ROBO2: variants seen among roughly 807,000 people sequenced by gnomAD.
ROBO2 encodes the protein roundabout homolog 2.
ROBO2 carries 53 observed loss-of-function variants against 160.8 expected under a neutral mutation model. The observed-to-expected ratio is 0.33, with a 90% CI of 0.26 to 0.41. The LOEUF is 0.41. Among genes scored for constraint, ROBO2 ranks in the 10% least tolerant of loss-of-function variants. The probability of loss-of-function intolerance (pLI) is 1.00; values close to 1 mark genes in which losing one functional copy is unlikely to be tolerated. For missense variants in ROBO2, 1,577 were observed against 1,722.4 expected (o/e 0.92, Z 1.49); for synonymous variants, 664 against 611.7 (o/e 1.09, Z -1.26).
chr3:76,084,677 C>A (rs2068949065), intron 2 of ROBO2, among the ~76,000 whole-genome samples: 1 of 152,106 alleles, frequency 6.6e-6, no homozygotes, highest in Admixed American at 6.6e-5. Context: ...TGCCCTGTCT[C>A]CATCTTCTCA....
At chr3:77,471,649 A>C (rs2083359624) in intron 2 of ROBO2, among the ~76,000 whole-genome samples, 1 of 152,234 alleles carries the variant, frequency 6.6e-6, no homozygotes. Flanking sequence ...CACTGACAAT[A>C]GACATATTAA....
intron 2 of ROBO2, among the ~76,000 whole-genome samples, chr3:77,269,456 C>T (rs985932757): frequency 2.1e-4 from 32 of 152,094 alleles, no homozygotes; most frequent in Non-Finnish European, 4.3e-4. Context: ...ATGGGCTTTT[C>T]TTTTGGATTT....
At chr3:77,137,141 T>G (rs1169947642) in intron 2 of ROBO2, among the ~76,000 whole-genome samples, 1 of 152,170 alleles carries the variant, frequency 6.6e-6, no homozygotes, top group Non-Finnish European at 1.5e-5. Context: ...CGACTCTTAT[T>G]GCAGAGTCTA....
At chr3:77,120,140 C>T (rs755436555) in intron 2 of ROBO2, among the ~76,000 whole-genome samples, 5 of 152,034 alleles carry the variant, frequency 3.3e-5, no homozygotes, top group African/African-American at 4.8e-5. Flanking sequence ...TCATGATGAC[C>T]GATAATGATT....
At chr3:77,452,407 A>T (rs941401555) in intron 2 of ROBO2, among the ~76,000 whole-genome samples, 1 of 152,168 alleles carries the variant, frequency 6.6e-6, no homozygotes, top group Non-Finnish European at 1.5e-5. Context: ...TATAGTTAAA[A>T]TCAGATAAAC....
rs143526385 is a variant in ROBO2 at position 76,997,681 on chromosome 3, C to T, written c.110-100333C>T. Among the ~76,000 whole-genome samples the T allele has an allele frequency of 6.2e-3, 937 of 152,284 alleles. 16 individuals are homozygous for T. The highest frequency in any genetic ancestry group is 0.021 in the African/African-American group (863 of 41,556). Reference sequence around the variant, plus strand: ...GAGAGAGAAGATCGTATAAGTTGAGCTTCTGATGTCTCAGTTTTACATAAT... The same window carrying T: ...GAGAGAGAAGATCGTATAAGTTGAGTTTCTGATGTCTCAGTTTTACATAAT... On this transcript the variant is annotated intron_variant, in intron 2 of 26. Coordinates refer to the ROBO2 transcript ENST00000487694.
intron 2 of ROBO2, among the ~76,000 whole-genome samples, chr3:75,946,046 C>A (rs995524313): frequency 6.6e-6 from 1 of 151,986 alleles, no homozygotes; most frequent in African/African-American, 2.4e-5. Context: ...TGTTTCCTGG[C>A]GGAATTGTCT....
chr3:76,121,151 T>C (rs963835086), intron 2 of ROBO2, among the ~76,000 whole-genome samples: 1 of 152,060 alleles, frequency 6.6e-6, no homozygotes, highest in Non-Finnish European at 1.5e-5. Context: ...CTACTAAGGG[T>C]CATGCATACC....
intron 2 of ROBO2, among the ~76,000 whole-genome samples, chr3:76,967,057 C>A (rs2059332172): frequency 6.6e-6 from 1 of 152,176 alleles, no homozygotes; most frequent in Admixed American, 6.5e-5. Flanking sequence ...TGTATACAAT[C>A]CCTCAAATCT....
chr3:76,173,002 T>G (rs1282990023), intron 2 of ROBO2, among the ~76,000 whole-genome samples: 1 of 151,916 alleles, frequency 6.6e-6, no homozygotes, highest in African/African-American at 2.4e-5. Flanking sequence ...ATGTCTGATA[T>G]TAGAGCATGC....
chr3:77,438,764 G>C (rs2079598247), intron 2 of ROBO2, among the ~76,000 whole-genome samples: 1 of 151,992 alleles, frequency 6.6e-6, no homozygotes, highest in East Asian at 1.9e-4. Context: ...TGACCCACAG[G>C]GTGTTGCTTC....
intron 2 of ROBO2, among the ~76,000 whole-genome samples, chr3:76,887,832 A>G (rs1167789931): frequency 1.3e-5 from 2 of 151,998 alleles, no homozygotes; most frequent in East Asian, 3.9e-4. Flanking sequence ...TGATTTTTGT[A>G]CTCATAAGGT....
intron 2 of ROBO2, among the ~76,000 whole-genome samples, chr3:76,614,028 A>T (rs2109119554): frequency 6.6e-6 from 1 of 152,026 alleles, no homozygotes; most frequent in Middle Eastern, 3.4e-3. Context: ...CCATTTCTCT[A>T]ATACTGAATT....
intron 2 of ROBO2, among the ~76,000 whole-genome samples, chr3:76,592,121 C>G (rs2086452473): frequency 6.6e-6 from 1 of 151,878 alleles, no homozygotes; most frequent in Admixed American, 6.6e-5. Flanking sequence ...TGAGCTAAAA[C>G]TGTGAAAGTA....
intron 2 of ROBO2, among the ~76,000 whole-genome samples, chr3:77,311,271 A>G (rs979436117): frequency 6.6e-6 from 1 of 152,178 alleles, no homozygotes; most frequent in Non-Finnish European, 1.5e-5. Context: ...TATTTCCAAT[A>G]ATATTGTACT....
At chr3:77,542,527 A>C (rs1357816726) in intron 6 of ROBO2, among the ~76,000 whole-genome samples, 1 of 152,204 alleles carries the variant, frequency 6.6e-6, no homozygotes, top group African/African-American at 2.4e-5. Context: ...CATAAACATC[A>C]CGTGATAATA....
intron 2 of ROBO2, among the ~76,000 whole-genome samples, chr3:76,394,443 A>G (rs1464287870): frequency 6.6e-6 from 1 of 152,106 alleles, no homozygotes; most frequent in Non-Finnish European, 1.5e-5. Context: ...AATGTTGAAT[A>G]TCGGCCCCCA....
chr3:77,602,395 G>C, exon 20 of ROBO2: 1 of 1,614,004 alleles, frequency 6.2e-7, no homozygotes, highest in Non-Finnish European at 8.5e-7. Flanking sequence ...ATTGGCTGTC[G>C]ATCTGCCTGA....
At chr3:76,989,019 A>G (rs986729471) in intron 2 of ROBO2, among the ~76,000 whole-genome samples, 1 of 150,358 alleles carries the variant, frequency 6.7e-6, no homozygotes, top group East Asian at 1.9e-4. Context: ...GTATTTTCAT[A>G]TGTATTATCT....
Sources: gnomAD v4.1 joint callset for allele counts (sites outside exome capture counted in the v4.1 genomes callset) on GRCh38, gnomAD v4.1.1 for gene constraint, MANE v1.5 for transcripts, NCBI Gene and HGNC (gene_info 2026-07-23, HGNC 2026-07-21) for gene names.